TIPRL: variants seen among roughly 807,000 people sequenced by gnomAD.
TIPRL encodes the protein TIP41-like protein.
A neutral mutation model predicts 32.3 loss-of-function variants in TIPRL; 10 were observed. The observed-to-expected ratio is 0.31, with a 90% CI of 0.19 to 0.52. The LOEUF (loss-of-function observed/expected upper bound fraction) is 0.52. Ranked by LOEUF, TIPRL falls within the 20% of genes least tolerant of loss-of-function variation. The probability of loss-of-function intolerance (pLI) is 0.96; values close to 1 mark genes in which losing one functional copy is unlikely to be tolerated. For missense variants in TIPRL, 250 were observed against 328.1 expected (o/e 0.76, Z 1.84); for synonymous variants, 100 against 114.0 (o/e 0.88, Z 0.78).
chr1:168,192,870 G>A (rs1485044925), intron 4 of TIPRL, among the ~76,000 whole-genome samples: 2 of 146,688 alleles, frequency 1.4e-5, no homozygotes, highest in African/African-American at 5.2e-5. Context: ...TGGGCAACAA[G>A]CGAGACTCCG....
chr1:168,192,058 A>G (rs1160225922), intron 4 of TIPRL: 1 of 917,636 alleles, frequency 1.1e-6, no homozygotes, highest in Non-Finnish European at 1.4e-6. Flanking sequence ...TTTATTATTT[A>G]ACTCTAATGA....
In TIPRL at chr1:168,184,837, G is replaced by A; in HGVS notation, c.343G>A (p.Asp115Asn). The change falls in exon 3 of 7, where the codon GAT becomes AAT. Residue 115 changes from aspartate (D) to asparagine (N), a missense_variant. Asp to Asn is a conservative substitution (Grantham distance 23, BLOSUM62 1). Coordinates refer to ENST00000367833, the MANE Select transcript of TIPRL (RefSeq NM_152902.5). ...IKPYDWTYTT[D>N]YKGTLLGESL... ...ACCATATGATTGGACCTATACAACA[G>A]ATTATAAGGGAACCTTACTTGGAGA... 1.2e-6 allele frequency: 2 copies of A among 1,612,228 alleles called. No individual in the cohort carries two copies. The highest frequency in any genetic ancestry group is 1.7e-6 in the Non-Finnish European group (2 of 1,179,010).
chr1:168,183,372 CTG>C (rs1699989929), intron 1 of TIPRL, among the ~76,000 whole-genome samples: 1 of 103,330 alleles, frequency 9.7e-6, no homozygotes, highest in African/African-American at 5.2e-5. Flanking sequence ...TGTTAAATTC[CTG>C]TGATTTTTTT....
intron 4 of TIPRL, among the ~76,000 whole-genome samples, chr1:168,193,284 C>T (rs975391628): frequency 2.0e-5 from 3 of 152,108 alleles, no homozygotes; most frequent in Non-Finnish European, 4.4e-5. Flanking sequence ...TTTAGAGAAT[C>T]ATTTTTTGTA....
At chr1:168,179,216 C>T (rs752111169) in intron 1 of TIPRL, 35 bp downstream of exon 1, 1 of 1,600,188 alleles carries the variant, frequency 6.2e-7, no homozygotes, top group Non-Finnish European at 8.6e-7. Context: ...GGGCGCTGGC[C>T]GGTTGCTGGC....
chr1:168,192,625 G>C (rs540033460), intron 4 of TIPRL, among the ~76,000 whole-genome samples: 1 of 152,326 alleles, frequency 6.6e-6, no homozygotes, highest in East Asian at 1.9e-4. Context: ...TAGGCCGGGC[G>C]CGGTGGCCCA....
intron 5 of TIPRL, among the ~76,000 whole-genome samples, chr1:168,197,946 G>A (rs563881541): frequency 6.6e-6 from 1 of 152,108 alleles, no homozygotes; most frequent in African/African-American, 2.4e-5. Context: ...AGAGTTATAC[G>A]TACATGAATA....
At chr1:168,199,448 T>C (rs1700187212) in intron 6 of TIPRL, among the ~76,000 whole-genome samples, 1 of 152,168 alleles carries the variant, frequency 6.6e-6, no homozygotes, top group Admixed American at 6.5e-5. Flanking sequence ...CTTAGGATTC[T>C]ATAATGGGTT....
intron 5 of TIPRL, among the ~76,000 whole-genome samples, chr1:168,197,565 G>A (rs1700171746): frequency 6.6e-6 from 1 of 152,010 alleles, no homozygotes; most frequent in Non-Finnish European, 1.5e-5. Flanking sequence ...TGTTGCCCAG[G>A]CTGGAATGCA....
intron 2 of TIPRL, 122 bp downstream of exon 2, chr1:168,184,203 T>C: frequency 1.1e-6 from 1 of 929,748 alleles, no homozygotes; most frequent in Non-Finnish European, 1.5e-6. Flanking sequence ...CTGGTATTAT[T>C]AAACTTGAGA....
chr1:168,192,834 C>T (rs1288722813), intron 4 of TIPRL, among the ~76,000 whole-genome samples: 3 of 151,924 alleles, frequency 2.0e-5, no homozygotes, highest in Non-Finnish European at 4.4e-5. Context: ...TGCAGTGAGC[C>T]GAGATCGTGC....
At chr1:168,191,089 A>G (rs1700091359) in intron 3 of TIPRL, among the ~76,000 whole-genome samples, 1 of 152,214 alleles carries the variant, frequency 6.6e-6, no homozygotes. Context: ...TCATAGTCAC[A>G]ACAGAAGTTG....
intron 4 of TIPRL, among the ~76,000 whole-genome samples, chr1:168,192,559 C>G (rs1700111723): frequency 6.6e-6 from 1 of 152,198 alleles, no homozygotes; most frequent in South Asian, 2.1e-4. Context: ...CTTCACAACT[C>G]CGTTACACAG....
At chr1:168,194,995 C>G (rs1700137149) in intron 4 of TIPRL, among the ~76,000 whole-genome samples, 1 of 152,168 alleles carries the variant, frequency 6.6e-6, no homozygotes, top group African/African-American at 2.4e-5. Context: ...AGAAAGGCCC[C>G]TCTGTGGAAG....
At chr1:168,187,730 A>C (rs1352632316) in intron 3 of TIPRL, among the ~76,000 whole-genome samples, 2 of 152,186 alleles carry the variant, frequency 1.3e-5, no homozygotes, top group Admixed American at 1.3e-4. Flanking sequence ...TAGTCCCAGC[A>C]CTTTGGGAGG....
At chr1:168,182,638 G>A (rs1699982351) in intron 1 of TIPRL, among the ~76,000 whole-genome samples, 3 of 152,056 alleles carry the variant, frequency 2.0e-5, no homozygotes, top group African/African-American at 2.4e-5. Context: ...AAAAAAAAGA[G>A]GGCATTTTGG....
chr1:168,194,005 A>G (rs1313571056), intron 4 of TIPRL, among the ~76,000 whole-genome samples: 2 of 152,240 alleles, frequency 1.3e-5, no homozygotes, highest in African/African-American at 2.4e-5. Flanking sequence ...TAAGGTATCA[A>G]TCAGTGACTC....
intron 4 of TIPRL, chr1:168,192,267 AC>A: frequency 7.6e-7 from 1 of 1,318,162 alleles, no homozygotes; most frequent in Non-Finnish European, 1.0e-6. Flanking sequence ...AGAAGCGTGA[AC>A]CCGGGAGGCG....
intron 4 of TIPRL, chr1:168,192,428 C>G (rs1043857622): frequency 1.0e-5 from 10 of 999,184 alleles, no homozygotes; most frequent in African/African-American, 1.7e-5. Flanking sequence ...ATTTCTTTAC[C>G]ACTGCATTAT....
Sources: allele counts gnomAD v4.1 joint callset (sites outside exome capture counted in the v4.1 genomes callset), GRCh38; gene constraint gnomAD v4.1.1; transcripts MANE v1.5; gene names NCBI Gene and HGNC (gene_info 2026-07-23, HGNC 2026-07-21).